ANKUB1: variants seen among roughly 807,000 people sequenced by gnomAD.
ANKUB1 encodes ankyrin repeat and ubiquitin domain containing 1.
A neutral mutation model predicts 49.3 loss-of-function variants in ANKUB1; 42 were observed. The ratio of observed to expected loss-of-function variants is 0.85; its 90% CI spans 0.67 to 1.10. The LOEUF (loss-of-function observed/expected upper bound fraction) is 1.10, where lower values mean the gene tolerates loss of function less well. Ranked by LOEUF, ANKUB1 falls within the 50% of genes least tolerant of loss-of-function variation. The pLI is 0.00. For synonymous variants in ANKUB1, 222 were observed against 231.0 expected (o/e 0.96, Z 0.35); for missense variants, 613 against 642.0 (o/e 0.95, Z 0.49).
At chr3:149,789,870 T>C (rs963173845) in intron 2 of ANKUB1, among the ~76,000 whole-genome samples, 4 of 152,278 alleles carry the variant, frequency 2.6e-5, no homozygotes, top group African/African-American at 7.2e-5. Context: ...CCTCATGATC[T>C]TCCCACCCAG....
chr3:149,761,596 C>T lies in ANKUB1; in HGVS notation c.1523G>A (p.Arg508Gln), dbSNP rs865893847. 14 of 1,550,838 alleles carry T rather than the reference C, an allele frequency of 9.0e-6. No homozygotes were observed. In the Middle Eastern group the frequency reaches 5.0e-4, roughly 55 times the overall value. Residue 508 changes from arginine to glutamine, a missense_variant, in exon 6 of 6, where the codon CGA (arginine) becomes CAA (glutamine). Transcript: ENST00000446160. The stretch of plus-strand genomic sequence containing the variant: ...TGCTATTTCTAACTGCTGAAGCCAT[C>T]GTTTCTCTTTAAAGGCACTGCAAGA... ...LAVASAFKEKRWLQQLEIARV... is the reference protein window; with the variant it reads ...LAVASAFKEKQWLQQLEIARV...
chr3:149,773,373 C>T (rs1360217157), intron 3 of ANKUB1, among the ~76,000 whole-genome samples: 1 of 152,174 alleles, frequency 6.6e-6, no homozygotes, highest in Non-Finnish European at 1.5e-5. Context: ...TACTCACAGG[C>T]CTGACCTGCG....
At chr3:149,779,977 A>G (rs1325793300) in intron 3 of ANKUB1, 1 of 442,302 alleles carries the variant, frequency 2.3e-6, no homozygotes, top group Non-Finnish European at 4.1e-6. Context: ...AAATCTTCAA[A>G]ACAATAATGG....
At chr3:149,779,737 G>A (rs1717767497) in intron 3 of ANKUB1, 1 of 157,210 alleles carries the variant, frequency 6.4e-6, no homozygotes. Flanking sequence ...TTTTGAAAGA[G>A]AAGAGATGAA....
intron 3 of ANKUB1, among the ~76,000 whole-genome samples, chr3:149,772,344 A>G (rs1717404271): frequency 6.6e-6 from 1 of 151,998 alleles, no homozygotes; most frequent in Admixed American, 6.6e-5. Flanking sequence ...TTCATGTCCT[A>G]CATCTAAACG....
intron 3 of ANKUB1, among the ~76,000 whole-genome samples, chr3:149,776,510 C>T (rs1256020608): frequency 2.6e-5 from 4 of 152,222 alleles, no homozygotes; most frequent in Non-Finnish European, 5.9e-5. Context: ...GTTGTACTTA[C>T]AGCTTTGCCA....
At position 149,791,323 on chromosome 3, in the gene ANKUB1, A is replaced by T. The variant is rs1718347884; in HGVS notation, c.91-399T>A. On this transcript the variant is annotated intron_variant, in intron 1 of 5. Transcript: ENST00000446160. The stretch of plus-strand genomic sequence containing the variant: ...CTGTATTTTGAAAATAATAGTTATT[A>T]GATGAGCTGCTAGAACTTGTTAGTT... Among the ~76,000 whole-genome samples the T allele has an allele frequency of 2.0e-5, 3 of 152,366 alleles. No homozygotes were observed. In the South Asian group the frequency reaches 6.2e-4, roughly 32 times the overall value.
At chr3:149,766,855 GCAGCAGCAGCAGCAGCAGCAGCAGCA>G (rs1218942137) in intron 5 of ANKUB1, 1 of 1,173,944 alleles carries the variant, frequency 8.5e-7, no homozygotes, top group African/African-American at 1.8e-5. Flanking sequence ...AGCAGCAGCA[GCAGCAGCAGCAGCAGCAGCAGCAGCA>G]AGGGACCTTG....
chr3:149,772,313 G>A lies in ANKUB1; in HGVS notation c.452-1639C>T, dbSNP rs138056820. Among the ~76,000 whole-genome samples the A allele has an allele frequency of 1.5e-4, 23 of 152,186 alleles. No homozygotes were observed. The South Asian group carries it at 3.9e-3, about 26-fold the overall frequency. ...TGGAATTACAGGTGTGAGCCATTGCGCCCGGCATCCTTCTCATTTTTTCAT... is the reference window on the plus strand; with the variant it reads ...TGGAATTACAGGTGTGAGCCATTGCACCCGGCATCCTTCTCATTTTTTCAT... On this transcript the variant is annotated intron_variant, in intron 3 of 5. Coordinates refer to ENST00000446160, the MANE Select transcript of ANKUB1 (RefSeq NM_001144960.3).
rs1717281520 is a variant in ANKUB1, at chr3:149,770,243, G to A, written c.566+317C>T. 2.6e-5 allele frequency among the ~76,000 whole-genome samples: 4 copies of A among 152,270 alleles called. No homozygotes were observed. In the South Asian group the frequency reaches 8.3e-4, roughly 32 times the overall value. On this transcript the variant is annotated intron_variant, in intron 4 of 5. Transcript: ENST00000446160. ...CTATTAGTAGCTAAGTTTTGGGGAA[G>A]TCAAAAGTTATATGGGAATTTTCAA... is the stretch of plus-strand genomic sequence containing the variant.
chr3:149,792,309 C>A lies in ANKUB1; in HGVS notation c.58G>T (p.Glu20Ter). ...ATCAGCTTGACAACCTCCACAGTTT[C>A]ATCTGCTGAAACATCAAACGGTTCA... is the stretch of plus-strand genomic sequence containing the variant. ...SFEPFDVSADETVEVVKLMIK... is the reference protein window; with the variant it reads ...SFEPFDVSAD The change falls in exon 1 of 6, where the codon GAA becomes TAA. Residue 20 changes from glutamate (E) to a stop codon, truncating the protein, a stop_gained. Transcript: ENST00000446160. LOFTEE classifies it high-confidence loss of function. 1 of 1,532,918 alleles carries A rather than the reference C, an allele frequency of 6.5e-7. No individual in the cohort carries two copies. The highest frequency in any genetic ancestry group is 2.1e-5 in the Admixed American group (1 of 48,642). 95.0% of individuals were successfully genotyped at this position (1,532,918 alleles called of 1,614,324 possible). A position where few individuals can be genotyped will look rare whatever the true frequency, so the allele number is the denominator to read the frequency against.
intron 5 of ANKUB1, 76 bp downstream of exon 5, chr3:149,767,081 C>T: frequency 7.6e-7 from 1 of 1,317,986 alleles, no homozygotes; most frequent in Non-Finnish European, 1.0e-6. Context: ...CATAGTAGGG[C>T]ATTATGGACC....
chr3:149,767,965 C>A lies in ANKUB1; in HGVS notation c.697G>T (p.Glu233Ter). 6.5e-7 allele frequency: 1 copy of A among 1,541,784 alleles called. No individual in the cohort carries two copies. The highest frequency in any genetic ancestry group is 8.8e-7 in the Non-Finnish European group (1 of 1,139,462). Reference sequence around the variant, plus strand: ...TTAGAGACATCTGCATGAAGGGCTTCATGGCACCATGCTCGATAGGGGTGA... The same window carrying A: ...TTAGAGACATCTGCATGAAGGGCTTAATGGCACCATGCTCGATAGGGGTGA... The part of the protein sequence containing the change: ...GVHPYRAWCH[E>*]ALHADVSKCP... Residue 233 changes from glutamate (E) to a stop codon, truncating the protein, a stop_gained, in exon 5 of 6, where the codon GAA becomes TAA. Transcript: ENST00000446160. LOFTEE classifies it high-confidence loss of function.
At chr3:149,768,939 A>C (rs1019116857) in intron 4 of ANKUB1, among the ~76,000 whole-genome samples, 4 of 152,228 alleles carry the variant, frequency 2.6e-5, no homozygotes, top group Non-Finnish European at 5.9e-5. Flanking sequence ...AAAATGAGGT[A>C]ATAAATATAA....
chr3:149,763,811 C>T, intron 5 of ANKUB1: 1 of 427,970 alleles, frequency 2.3e-6, no homozygotes, highest in Non-Finnish European at 4.7e-6. Context: ...CACATTTACT[C>T]ACCAACCCAA....
chr3:149,765,850 T>C (rs1030236686), intron 5 of ANKUB1, among the ~76,000 whole-genome samples: 1 of 152,204 alleles, frequency 6.6e-6, no homozygotes, highest in Non-Finnish European at 1.5e-5. Context: ...ATTGAGACTA[T>C]TAAGCTATTA....
chr3:149,779,961 G>A (rs1717782879), intron 3 of ANKUB1: 3 of 401,200 alleles, frequency 7.5e-6, no homozygotes, highest in African/African-American at 4.0e-5. Context: ...AAATGGTTTT[G>A]ATTGTAAATC....
At chr3:149,789,079 AC>A (rs1226120033) in intron 2 of ANKUB1, among the ~76,000 whole-genome samples, 19 of 152,088 alleles carry the variant, frequency 1.2e-4, no homozygotes, top group African/African-American at 4.6e-4. Flanking sequence ...TGGCCAGGAT[AC>A]TTTTTACTGT....
chr3:149,766,326 T>G (rs1717012015), intron 5 of ANKUB1, among the ~76,000 whole-genome samples: 1 of 152,214 alleles, frequency 6.6e-6, no homozygotes, highest in Admixed American at 6.5e-5. Flanking sequence ...TCATTCAATT[T>G]GTCATTAATG....
Sources: gnomAD v4.1 joint callset for allele counts (sites outside exome capture counted in the v4.1 genomes callset) on GRCh38, gnomAD v4.1.1 for gene constraint, MANE v1.5 for transcripts, NCBI Gene and HGNC (gene_info 2026-07-23, HGNC 2026-07-21) for gene names.